The following NCR1 variants were observed in gnomAD, a reference collection of about 807,000 sequenced individuals.
NCR1 encodes NK cell-activating receptor.
NCR1 carries 30 observed loss-of-function variants against 32.5 expected under a neutral mutation model. That is an observed-to-expected ratio of 0.92 (90% CI 0.69 to 1.25). The LOEUF (loss-of-function observed/expected upper bound fraction) is 1.25, where lower values mean the gene tolerates loss of function less well. Among genes scored for constraint, NCR1 ranks in the 50% most tolerant of loss-of-function variants. The pLI is 0.00. For synonymous variants in NCR1, 169 were observed against 143.4 expected (o/e 1.18, Z -1.28); for missense variants, 369 against 380.7 (o/e 0.97, Z 0.26).
chr19:54,902,950 G>A (rs2067326515), upstream of NCR1, among the ~76,000 whole-genome samples: 1 of 151,668 alleles, frequency 6.6e-6, no homozygotes, highest in African/African-American at 2.4e-5. Flanking sequence ...GCCAACATGG[G>A]GAAACCCTGT....
At chr19:54,905,885 C>T (rs1047227279), upstream of NCR1, among the ~76,000 whole-genome samples, 1 of 152,208 alleles carries the variant, frequency 6.6e-6, no homozygotes, top group African/African-American at 2.4e-5. Flanking sequence ...TTCCCACAGT[C>T]AGCTCTGGGT....
At chr19:54,925,741 G>A in the NCR1 span, among the ~76,000 whole-genome samples, 1 of 152,166 alleles carries the variant, frequency 6.6e-6, no homozygotes, top group Non-Finnish European at 1.5e-5. Flanking sequence ...GCTCACGCCT[G>A]TAATCCCAGC....
Position 54,913,029 on chromosome 19 carries a change from G to A in NCR1, c.*158G>A. The A allele has an allele frequency of 1.6e-6, 1 of 615,632 alleles. No individual in the cohort carries two copies. Among genetic ancestry groups the A allele is most frequent in the South Asian group, 2.7e-5 (1 of 37,656 alleles). The allele number at this position is 615,632 out of a possible 1,614,324, so 38.1% of individuals were successfully genotyped here. Reference sequence around the variant, plus strand: ...GTCAGAGCATCCCGGACGATGCAGAGGGTGGGAGAACTACATGCTAAATTT... The same window carrying A: ...GTCAGAGCATCCCGGACGATGCAGAAGGTGGGAGAACTACATGCTAAATTT... On this transcript the variant is annotated 3_prime_UTR_variant, in exon 7 of 7. Coordinates refer to ENST00000291890, the MANE Select transcript of NCR1 (RefSeq NM_004829.7).
upstream of NCR1, among the ~76,000 whole-genome samples, chr19:54,904,244 T>C (rs1026107637): frequency 6.6e-6 from 1 of 152,104 alleles, no homozygotes; most frequent in East Asian, 1.9e-4. Context: ...ATTATAACAC[T>C]ATCTTTGAAG....
the NCR1 span, chr19:54,923,784 C>T: frequency 6.2e-7 from 1 of 1,614,044 alleles, no homozygotes; most frequent in South Asian, 1.1e-5. Context: ...GCCCCGGAAG[C>T]ATTGCAATCA....
At chr19:54,916,279 A>ACC (rs202153176), downstream of NCR1, 3 of 140,244 alleles carry the variant, frequency 2.1e-5, no homozygotes, top group East Asian at 4.0e-4. Context: ...CATATATCAG[A>ACC]CCCCCAGAAC....
the NCR1 span, among the ~76,000 whole-genome samples, chr19:54,900,327 G>T: frequency 6.6e-6 from 1 of 152,156 alleles, no homozygotes. Context: ...ATAGGATTTG[G>T]GTAGGTAAAG....
downstream of NCR1, among the ~76,000 whole-genome samples, chr19:54,920,564 C>T (rs1342448805): frequency 2.6e-5 from 4 of 152,078 alleles, no homozygotes; most frequent in Non-Finnish European, 5.9e-5. Flanking sequence ...TGGCAGCTCA[C>T]GCGTGTAATC....
intron 4 of NCR1, 139 bp from the exon 5 acceptor site, chr19:54,909,879 G>A: frequency 1.5e-6 from 1 of 673,976 alleles, no homozygotes; most frequent in Non-Finnish European, 2.3e-6. Flanking sequence ...GGGTTGTAGT[G>A]AACCGAGATC....
Position 54,913,051 on chromosome 19 carries a change from A to G in NCR1, c.*180A>G. Reference sequence around the variant, plus strand: ...AGAGGGTGGGAGAACTACATGCTAAATTTCTTTTTTTTTTTTTTTGAGACA... The same window carrying G: ...AGAGGGTGGGAGAACTACATGCTAAGTTTCTTTTTTTTTTTTTTTGAGACA... On this transcript the variant is annotated 3_prime_UTR_variant, in exon 7 of 7. Coordinates refer to ENST00000291890, the MANE Select transcript of NCR1 (RefSeq NM_004829.7). 1 of 499,324 alleles carries G rather than the reference A, an allele frequency of 2.0e-6. No individual in the cohort carries two copies. The highest frequency in any genetic ancestry group is 4.0e-5 in the Admixed American group (1 of 25,086). 30.9% of individuals were successfully genotyped at this position (499,324 alleles called of 1,614,324 possible).
At chr19:54,914,093 A>G (rs1329731448), downstream of NCR1, among the ~76,000 whole-genome samples, 1 of 150,962 alleles carries the variant, frequency 6.6e-6, no homozygotes, top group African/African-American at 2.4e-5. Flanking sequence ...AAAAAAAAAT[A>G]AGTGACTCCT....
the NCR1 span, among the ~76,000 whole-genome samples, chr19:54,925,714 T>C: frequency 2.0e-5 from 3 of 151,856 alleles, no homozygotes; most frequent in Admixed American, 2.0e-4. Flanking sequence ...AATAAGTCAC[T>C]GAGGCCGGGC....
At chr19:54,927,649 G>C in the NCR1 span, 1 of 1,614,154 alleles carries the variant, frequency 6.2e-7, no homozygotes, top group Non-Finnish European at 8.5e-7. Flanking sequence ...GAACCCCAAA[G>C]AGCTTAATTA....
chr19:54,914,438 A>C (rs2068091639), downstream of NCR1, among the ~76,000 whole-genome samples: 1 of 152,084 alleles, frequency 6.6e-6, no homozygotes, highest in East Asian at 1.9e-4. Flanking sequence ...TCCAGGGTTC[A>C]AATGATTCTC....
At chr19:54,930,447 G>T in the NCR1 span, 1 of 1,320,398 alleles carries the variant, frequency 7.6e-7, no homozygotes, top group Non-Finnish European at 1.1e-6. Flanking sequence ...GGGGGACAGA[G>T]CAAGACCCTG....
the NCR1 span, among the ~76,000 whole-genome samples, chr19:54,924,953 A>T: frequency 3.3e-5 from 5 of 152,220 alleles, no homozygotes; most frequent in South Asian, 8.3e-4. Flanking sequence ...AATAAATAAA[A>T]AATAGTGGCA....
upstream of NCR1, among the ~76,000 whole-genome samples, chr19:54,904,260 A>G (rs1485849224): frequency 6.6e-6 from 1 of 152,056 alleles, no homozygotes; most frequent in Non-Finnish European, 1.5e-5. Context: ...TGAAGAAGAT[A>G]GTGTTATCAT....
the NCR1 span, among the ~76,000 whole-genome samples, chr19:54,932,320 T>G: frequency 3.7e-3 from 558 of 151,352 alleles, 3 homozygotes; most frequent in Non-Finnish European, 5.8e-3. Flanking sequence ...CCCAGCTACT[T>G]GGGAGGCTGA....
At chr19:54,931,280 C>T in the NCR1 span, among the ~76,000 whole-genome samples, 3 of 151,900 alleles carry the variant, frequency 2.0e-5, no homozygotes, top group Non-Finnish European at 2.9e-5. Flanking sequence ...AAAATCGGGC[C>T]GGGCGCGGTG....
Sources: gnomAD v4.1 joint callset for allele counts (sites outside exome capture counted in the v4.1 genomes callset) on GRCh38, gnomAD v4.1.1 for gene constraint, MANE v1.5 for transcripts, NCBI Gene and HGNC (gene_info 2026-07-23, HGNC 2026-07-21) for gene names.